GRIK2: variants seen among roughly 807,000 people sequenced by gnomAD.
GRIK2 encodes the protein glutamate ionotropic receptor kainate type subunit 2, also known as glutamate receptor ionotropic, kainate 2.
GRIK2 carries 32 observed loss-of-function variants against 100.3 expected under a neutral mutation model. The ratio of observed to expected loss-of-function variants is 0.32; its 90% CI spans 0.24 to 0.43. The LOEUF is 0.43. Ranked by LOEUF, GRIK2 falls within the 20% of genes least tolerant of loss-of-function variation. GRIK2 has a pLI of 1.00. For synonymous variants in GRIK2, 417 were observed against 389.4 expected, an observed-to-expected ratio of 1.07 and a Z score of -0.83; for missense variants, 843 against 1,114.9, an observed-to-expected ratio of 0.76 and a Z score of 3.47.
intron 10 of GRIK2, among the ~76,000 whole-genome samples, chr6:101,835,593 C>A (rs1429410941): frequency 6.6e-6 from 1 of 150,476 alleles, no homozygotes; most frequent in African/African-American, 2.4e-5. Context: ...GCCTCAGCCC[C>A]CCGAGCAGCT....
intron 10 of GRIK2, among the ~76,000 whole-genome samples, chr6:101,845,879 T>G (rs1297381648): frequency 6.6e-6 from 1 of 152,174 alleles, no homozygotes; most frequent in Non-Finnish European, 1.5e-5. Context: ...GGTATCTTAC[T>G]GCGGTTTAGA....
intron 2 of GRIK2, among the ~76,000 whole-genome samples, chr6:101,489,176 G>C (rs1772977416): frequency 6.8e-6 from 1 of 146,086 alleles, no homozygotes; most frequent in South Asian, 2.1e-4. Context: ...TTAGGGAAGA[G>C]GGTTTACTCT....
chr6:101,502,943 C>A (rs577059413), intron 2 of GRIK2, among the ~76,000 whole-genome samples: 2 of 152,062 alleles, frequency 1.3e-5, no homozygotes, highest in African/African-American at 2.4e-5. Context: ...CATCTCCCTC[C>A]CCAGCTCCTA....
At chr6:101,561,343 C>A in intron 2 of GRIK2, among the ~76,000 whole-genome samples, 1 of 149,266 alleles carries the variant, frequency 6.7e-6, no homozygotes, top group African/African-American at 2.5e-5. Context: ...CTCATGGAGG[C>A]AGAGAATGTA....
chr6:101,398,184 A>C (rs889561315), intron 1 of GRIK2, among the ~76,000 whole-genome samples: 1 of 152,182 alleles, frequency 6.6e-6, no homozygotes, highest in Non-Finnish European at 1.5e-5. Flanking sequence ...AGAATGTTCA[A>C]AAAACCAAAA....
Sources: allele counts gnomAD v4.1 joint callset (sites outside exome capture counted in the v4.1 genomes callset), GRCh38; gene constraint gnomAD v4.1.1; transcripts MANE v1.5; gene names NCBI Gene and HGNC (gene_info 2026-07-23, HGNC 2026-07-21).